Variants in SAMD8 observed in about 807,000 individuals in gnomAD.
The protein encoded by SAMD8 is sterile alpha motif domain containing 8.
Under a neutral mutation model 42.0 loss-of-function variants are expected in SAMD8, and 20 were observed. That is an observed-to-expected ratio of 0.48 (90% CI 0.34 to 0.69). SAMD8 has a LOEUF of 0.69. Ranked by LOEUF, SAMD8 falls within the 30% of genes least tolerant of loss-of-function variation. The probability of loss-of-function intolerance (pLI) is 0.01; values close to 1 mark genes in which losing one functional copy is unlikely to be tolerated. For missense variants in SAMD8, 328 were observed against 511.6 expected (o/e 0.64, Z 3.46); for synonymous variants, 162 against 173.0 (o/e 0.94, Z 0.50).
chr10:75,129,768 G>C (rs1416901322), intron 1 of SAMD8, among the ~76,000 whole-genome samples: 5 of 152,208 alleles, frequency 3.3e-5, no homozygotes, highest in Non-Finnish European at 7.3e-5. Flanking sequence ...AGGTTTAGCT[G>C]TGATCTTAAC....
intron 1 of SAMD8, among the ~76,000 whole-genome samples, chr10:75,104,744 C>G (rs1464815082): frequency 6.6e-6 from 1 of 152,136 alleles, no homozygotes. Context: ...CCCCCAAACT[C>G]TAAACTTAGC....
At chr10:75,166,431 T>C (rs753522650) in intron 3 of SAMD8, among the ~76,000 whole-genome samples, 3 of 151,948 alleles carry the variant, frequency 2.0e-5, no homozygotes, top group Non-Finnish European at 2.9e-5. Context: ...CTGCTCTCCA[T>C]TGTCTTTGGA....
At chr10:75,111,457 C>A (rs1480226753), upstream of SAMD8, 3 of 1,197,962 alleles carry the variant, frequency 2.5e-6, no homozygotes, top group Non-Finnish European at 2.1e-6. Context: ...GCCGGTAGAA[C>A]CCCGTCCCCG....
intron 2 of SAMD8, among the ~76,000 whole-genome samples, chr10:75,161,025 GC>G (rs1404015061): frequency 6.6e-6 from 1 of 151,990 alleles, no homozygotes; most frequent in Non-Finnish European, 1.5e-5. Flanking sequence ...CCGCGATTGC[GC>G]CACTGTACTG....
chr10:75,171,052 C>T (rs1840849155), intron 4 of SAMD8, among the ~76,000 whole-genome samples: 1 of 151,284 alleles, frequency 6.6e-6, no homozygotes, highest in South Asian at 2.1e-4. Context: ...TGAGCCACAG[C>T]GCCTGGCCCT....
intron 2 of SAMD8, among the ~76,000 whole-genome samples, chr10:75,158,390 G>C (rs1840471032): frequency 6.6e-6 from 1 of 151,834 alleles, no homozygotes; most frequent in African/African-American, 2.4e-5. Flanking sequence ...TCAGGAATTC[G>C]AGACCAGCCT....
chr10:75,171,154 CTTTTTCTTTTTT>C (rs1589978532), intron 4 of SAMD8, among the ~76,000 whole-genome samples: 1 of 108,186 alleles, frequency 9.2e-6, no homozygotes, highest in East Asian at 2.9e-4. Context: ...TTCTTTCTTT[CTTTTTCTTTTTT>C]TTTTTTTTTT....
At chr10:75,169,576 CAT>C (rs1936068254) in intron 4 of SAMD8, among the ~76,000 whole-genome samples, 1 of 152,008 alleles carries the variant, frequency 6.6e-6, no homozygotes, top group African/African-American at 2.4e-5. Flanking sequence ...AAAAGTTTCT[CAT>C]ATGGCATGCT....
intron 1 of SAMD8, among the ~76,000 whole-genome samples, chr10:75,117,138 AC>A (rs1848902385): frequency 6.6e-6 from 1 of 151,170 alleles, no homozygotes; most frequent in South Asian, 2.1e-4. Context: ...TAAAGATTTT[AC>A]CAGCTGGGTG....
intron 1 of SAMD8, chr10:75,150,209 T>C (rs1840251472): frequency 6.6e-6 from 1 of 152,570 alleles, no homozygotes; most frequent in Non-Finnish European, 1.5e-5. Context: ...CCTCCCAGAC[T>C]CAGGTGATCC....
At chr10:75,140,060 G>A (rs1227860069) in intron 1 of SAMD8, among the ~76,000 whole-genome samples, 2 of 152,182 alleles carry the variant, frequency 1.3e-5, no homozygotes, top group Non-Finnish European at 2.9e-5. Context: ...TTTCTCCACT[G>A]AATTGCCTTT....
At chr10:75,169,509 AAG>A (rs1207313649) in intron 4 of SAMD8, among the ~76,000 whole-genome samples, 3 of 151,770 alleles carry the variant, frequency 2.0e-5, no homozygotes, top group Non-Finnish European at 2.9e-5. Flanking sequence ...GAAAGAAAGA[AAG>A]AAAACAATTT....
intron 1 of SAMD8, among the ~76,000 whole-genome samples, chr10:75,100,760 G>A (rs1848110524): frequency 6.6e-6 from 1 of 152,220 alleles, no homozygotes; most frequent in Admixed American, 6.5e-5. Flanking sequence ...CTGTTTGCAA[G>A]TCCATGCACT....
chr10:75,102,513 T>C (rs1303021687), intron 1 of SAMD8, among the ~76,000 whole-genome samples: 1 of 152,184 alleles, frequency 6.6e-6, no homozygotes, highest in Admixed American at 6.5e-5. Flanking sequence ...TAAACCATTT[T>C]AAAAGGTCCC....
chr10:75,164,208 A>C (rs1420144420), intron 2 of SAMD8, among the ~76,000 whole-genome samples: 2 of 152,138 alleles, frequency 1.3e-5, no homozygotes, highest in Non-Finnish European at 1.5e-5. Flanking sequence ...ACAGAGCAAG[A>C]CCCTGTTTCA....
chr10:75,127,469 A>C (rs1421273555), intron 1 of SAMD8, among the ~76,000 whole-genome samples: 1 of 152,206 alleles, frequency 6.6e-6, no homozygotes, highest in Admixed American at 6.5e-5. Context: ...TGAGGAAATT[A>C]ATAGTACCTA....
intron 2 of SAMD8, among the ~76,000 whole-genome samples, chr10:75,151,978 C>T (rs530954904): frequency 1.1e-3 from 165 of 152,004 alleles, no homozygotes; most frequent in African/African-American, 3.8e-3. Context: ...TGTGAGCCAC[C>T]GCGCTTGGCC....
At chr10:75,147,867 TAATA>T (rs956478408) in intron 1 of SAMD8, among the ~76,000 whole-genome samples, 67 of 152,162 alleles carry the variant, frequency 4.4e-4, no homozygotes, top group African/African-American at 1.4e-3. Flanking sequence ...TAAAATAATA[TAATA>T]AATGTATAAG....
intron 2 of SAMD8, among the ~76,000 whole-genome samples, chr10:75,159,514 C>T (rs755940742): frequency 2.6e-4 from 39 of 152,200 alleles, no homozygotes; most frequent in Admixed American, 1.2e-3. Flanking sequence ...CCTTCTATAT[C>T]CCCTCAGATC....
Sources: gnomAD v4.1 joint callset for allele counts (sites outside exome capture counted in the v4.1 genomes callset) on GRCh38, gnomAD v4.1.1 for gene constraint, MANE v1.5 for transcripts, NCBI Gene and HGNC (gene_info 2026-07-23, HGNC 2026-07-21) for gene names.